Variants in LPP observed in about 807,000 individuals in gnomAD.
LPP encodes the protein lipoma-preferred partner.
Under a neutral mutation model 60.4 loss-of-function variants are expected in LPP, and 38 were observed. The observed-to-expected ratio is 0.63, with a 90% CI of 0.49 to 0.83. LPP has a LOEUF of 0.83. Among genes scored for constraint, LPP ranks in the 40% least tolerant of loss-of-function variants. The pLI, the probability that LPP is intolerant of heterozygous loss-of-function variation, is 0.00. For synonymous variants in LPP, 328 were observed against 290.8 expected (o/e 1.13, Z -1.30); for missense variants, 902 against 783.6 (o/e 1.15, Z -1.80).
chr3:188,349,192 T>A (rs950351033), intron 3 of LPP, among the ~76,000 whole-genome samples: 14 of 152,282 alleles, frequency 9.2e-5, no homozygotes, highest in South Asian at 2.1e-4. Flanking sequence ...AGAATTTTTT[T>A]AAAAAAATTT....
intron 2 of LPP, among the ~76,000 whole-genome samples, chr3:188,266,924 A>G (rs931447283): frequency 1.3e-5 from 2 of 152,200 alleles, no homozygotes; most frequent in African/African-American, 2.4e-5. Flanking sequence ...AGATAGAAAG[A>G]TAGAGGAATG....
intron 7 of LPP, among the ~76,000 whole-genome samples, chr3:188,704,265 A>G (rs1865046912): frequency 6.6e-6 from 1 of 152,098 alleles, no homozygotes; most frequent in Admixed American, 6.6e-5. Flanking sequence ...ACTCCCTCAG[A>G]GGCAGTTTGA....
chr3:188,530,078 C>T (rs10513828), intron 6 of LPP, among the ~76,000 whole-genome samples: 16,315 of 151,786 alleles, frequency 0.11, 1,015 homozygotes, highest in Middle Eastern at 0.18. Context: ...AGTCAAGGAA[C>T]GTGGAAAGTG....
rs190376712 is a variant in LPP at position 188,179,591 on chromosome 3, G to A, written c.-190+25339G>A. On this transcript the variant is annotated intron_variant, in intron 1 of 11. Coordinates refer to ENST00000617246, the MANE Select transcript of LPP (RefSeq NM_001375462.1). ...TCGAGAGGTCTGTCTCCTGCCAGCA[G>A]CATTCCTTCTAGTTTACTAGAACTC... 496 of 418,898 alleles carry A rather than the reference G, an allele frequency of 1.2e-3. 2 individuals are homozygous for A. Among genetic ancestry groups the A allele is most frequent in the African/African-American group, 5.1e-3 (248 of 48,778 alleles). 25.9% of individuals were successfully genotyped at this position (418,898 alleles called of 1,614,324 possible).
chr3:188,664,246 T>C (rs1218532033), intron 7 of LPP, among the ~76,000 whole-genome samples: 2 of 152,248 alleles, frequency 1.3e-5, no homozygotes, highest in East Asian at 1.9e-4. Context: ...TTTTCCTTCA[T>C]ATTAATGTTA....
At position 188,205,470 on chromosome 3, in the gene LPP, C is replaced by T. The variant is rs191108204; in HGVS notation, c.-189-19935C>T. Among the ~76,000 whole-genome samples, 8 of 151,626 alleles carry T rather than the reference C, an allele frequency of 5.3e-5. No individual in the cohort carries two copies. The South Asian group carries it at 6.3e-4, about 12-fold the overall frequency. On this transcript the variant is annotated intron_variant, in intron 1 of 11. Coordinates refer to ENST00000617246, the MANE Select transcript of LPP (RefSeq NM_001375462.1). ...CTAATTTTTGTATTTTTAGTAGAGACGGGGTTTCACCGTGTTGGCCAGGCT... is the reference window on the plus strand; with the variant it reads ...CTAATTTTTGTATTTTTAGTAGAGATGGGGTTTCACCGTGTTGGCCAGGCT...
chr3:188,508,111 G>A (rs1814108025), intron 5 of LPP, among the ~76,000 whole-genome samples: 1 of 152,184 alleles, frequency 6.6e-6, no homozygotes, highest in South Asian at 2.1e-4. Context: ...GGTCCATTGA[G>A]GCAGACAAGG....
intron 5 of LPP, among the ~76,000 whole-genome samples, chr3:188,523,372 A>AGAAT (rs1234490609): frequency 6.6e-6 from 1 of 152,198 alleles, no homozygotes; most frequent in Non-Finnish European, 1.5e-5. Flanking sequence ...AGTTCCCAAA[A>AGAAT]GAATGACCAA....
chr3:188,757,388 G>C (rs953375829), intron 8 of LPP, among the ~76,000 whole-genome samples: 1 of 152,158 alleles, frequency 6.6e-6, no homozygotes, highest in Non-Finnish European at 1.5e-5. Flanking sequence ...ATCAGTGATT[G>C]AAGTTTGCTC....
chr3:188,782,263 A>C (rs1266625709), intron 9 of LPP, among the ~76,000 whole-genome samples: 1 of 152,216 alleles, frequency 6.6e-6, no homozygotes, highest in African/African-American at 2.4e-5. Context: ...TCAGTATCTC[A>C]TCACTTTCAG....
At chr3:188,171,411 T>C (rs1721546194) in intron 1 of LPP, among the ~76,000 whole-genome samples, 1 of 152,232 alleles carries the variant, frequency 6.6e-6, no homozygotes, top group East Asian at 1.9e-4. Context: ...ACACCCTCAA[T>C]GCTGTAAATC....
chr3:188,842,985 A>T (rs1183111953), intron 9 of LPP, among the ~76,000 whole-genome samples: 1 of 152,082 alleles, frequency 6.6e-6, no homozygotes, highest in Non-Finnish European at 1.5e-5. Flanking sequence ...CACCATATTT[A>T]TTTTTTGTAT....
At chr3:188,403,585 C>G (rs1228959239) in intron 3 of LPP, among the ~76,000 whole-genome samples, 2 of 152,018 alleles carry the variant, frequency 1.3e-5, no homozygotes, top group East Asian at 3.9e-4. Flanking sequence ...ACTTTTATCC[C>G]AATTTAGTAG....
chr3:188,798,869 A>G (rs1316477716), intron 9 of LPP, among the ~76,000 whole-genome samples: 1 of 152,224 alleles, frequency 6.6e-6, no homozygotes, highest in East Asian at 1.9e-4. Flanking sequence ...AAACTTTATG[A>G]ACTCTGTCAC....
At chr3:188,366,443 G>T (rs1441378311) in intron 3 of LPP, among the ~76,000 whole-genome samples, 1 of 152,126 alleles carries the variant, frequency 6.6e-6, no homozygotes, top group East Asian at 1.9e-4. Flanking sequence ...TCACCTGGAG[G>T]TTATGTCAGC....
intron 9 of LPP, among the ~76,000 whole-genome samples, chr3:188,856,008 G>C (rs1367815649): frequency 6.6e-6 from 1 of 152,078 alleles, no homozygotes; most frequent in African/African-American, 2.4e-5. Flanking sequence ...CTCTATCAAG[G>C]CCTCATGTCT....
At chr3:188,525,825 A>T (rs1340907881) in intron 6 of LPP, among the ~76,000 whole-genome samples, 1 of 152,216 alleles carries the variant, frequency 6.6e-6, no homozygotes, top group African/African-American at 2.4e-5. Context: ...GATGGTTGCA[A>T]TTAATCTGTG....
chr3:188,447,139 C>A (rs1023935850), intron 4 of LPP, among the ~76,000 whole-genome samples: 2 of 152,156 alleles, frequency 1.3e-5, no homozygotes, highest in Non-Finnish European at 2.9e-5. Flanking sequence ...TCAATTCTGG[C>A]TTTACCTGGA....
intron 4 of LPP, among the ~76,000 whole-genome samples, chr3:188,479,932 A>G (rs1273169669): frequency 6.6e-6 from 1 of 152,204 alleles, no homozygotes; most frequent in African/African-American, 2.4e-5. Flanking sequence ...CTTTGCAGGT[A>G]AATTCTTGTT....
Sources: allele counts gnomAD v4.1 joint callset (sites outside exome capture counted in the v4.1 genomes callset), GRCh38; gene constraint gnomAD v4.1.1; transcripts MANE v1.5; gene names NCBI Gene and HGNC (gene_info 2026-07-23, HGNC 2026-07-21).